The following NRG3 variants were observed in gnomAD, a reference collection of about 807,000 sequenced individuals.
The protein encoded by NRG3 is neuregulin 3.
In NRG3, 31 loss-of-function variants were observed where a neutral mutation model predicts 66.9. That is an observed-to-expected ratio of 0.46 (90% confidence interval 0.35 to 0.63). The LOEUF (loss-of-function observed/expected upper bound fraction) is 0.63, where lower values mean the gene tolerates loss of function less well. Among genes scored for constraint, NRG3 ranks in the 20% least tolerant of loss-of-function variants. The pLI is 0.00. For synonymous variants in NRG3, 393 were observed against 359.4 expected (o/e 1.09, Z -1.06); for missense variants, 910 against 878.9 (o/e 1.04, Z -0.45).
At chr10:82,901,917 A>G (rs1360319405) in intron 4 of NRG3, among the ~76,000 whole-genome samples, 1 of 152,164 alleles carries the variant, frequency 6.6e-6, no homozygotes, top group African/African-American at 2.4e-5. Context: ...TGTAATAAAG[A>G]TTACTCTTAA....
intron 3 of NRG3, among the ~76,000 whole-genome samples, chr10:82,760,405 G>T (rs749335492): frequency 1.3e-5 from 2 of 152,106 alleles, no homozygotes; most frequent in Non-Finnish European, 2.9e-5. Flanking sequence ...CCAGAATGCA[G>T]CCAAAGAGAA....
chr10:82,599,317 T>A (rs899830417), intron 2 of NRG3, among the ~76,000 whole-genome samples: 1 of 152,128 alleles, frequency 6.6e-6, no homozygotes, highest in Non-Finnish European at 1.5e-5. Flanking sequence ...GAACTTGTGG[T>A]GGAAAGGTGA....
intron 2 of NRG3, among the ~76,000 whole-genome samples, chr10:82,529,364 T>C (rs1406711754): frequency 4.6e-5 from 7 of 152,100 alleles, no homozygotes; most frequent in South Asian, 4.1e-4. Context: ...GGAGTTAGAG[T>C]AATACATGGG....
chr10:82,860,431 AC>A (rs1449977051), intron 3 of NRG3, among the ~76,000 whole-genome samples: 12 of 152,126 alleles, frequency 7.9e-5, no homozygotes, highest in Non-Finnish European at 1.5e-4. Flanking sequence ...GGGTAAGTAA[AC>A]TTTGAGTATA....
At chr10:82,615,129 T>A (rs946730754) in intron 2 of NRG3, among the ~76,000 whole-genome samples, 10 of 152,330 alleles carry the variant, frequency 6.6e-5, no homozygotes, top group African/African-American at 2.4e-4. Flanking sequence ...TTCAAATGCT[T>A]GTTAATTACC....
chr10:82,024,832 A>T (rs2062225753), intron 1 of NRG3, among the ~76,000 whole-genome samples: 1 of 152,126 alleles, frequency 6.6e-6, no homozygotes, highest in Non-Finnish European at 1.5e-5. Context: ...TCATACTTGT[A>T]GCCCTCCCAG....
intron 1 of NRG3, among the ~76,000 whole-genome samples, chr10:82,038,483 A>G (rs993330876): frequency 6.6e-6 from 1 of 152,124 alleles, no homozygotes; most frequent in African/African-American, 2.4e-5. Context: ...GAAAAGGGGC[A>G]ATGCTCATAA....
At chr10:82,375,105 G>T (rs1253459815) in intron 2 of NRG3, among the ~76,000 whole-genome samples, 2 of 152,208 alleles carry the variant, frequency 1.3e-5, no homozygotes, top group Non-Finnish European at 2.9e-5. Context: ...CCAAACAGTA[G>T]AACTTTTAAG....
intron 4 of NRG3, among the ~76,000 whole-genome samples, chr10:82,878,385 G>C (rs1410568105): frequency 1.3e-5 from 2 of 152,222 alleles, no homozygotes; most frequent in Non-Finnish European, 2.9e-5. Flanking sequence ...CAGTAGCTGT[G>C]TGCAGAGTTT....
intron 1 of NRG3, among the ~76,000 whole-genome samples, chr10:81,923,366 C>T (rs1030372295): frequency 2.0e-5 from 3 of 152,152 alleles, no homozygotes; most frequent in African/African-American, 2.4e-5. Context: ...CCACCGCGCC[C>T]GGCTAATTTT....
At chr10:82,895,982 T>C (rs1450190282) in intron 4 of NRG3, among the ~76,000 whole-genome samples, 8 of 152,158 alleles carry the variant, frequency 5.3e-5, no homozygotes, top group Non-Finnish European at 1.0e-4. Context: ...CTCAATGCAG[T>C]GGCTGAGACA....
At chr10:82,937,775 G>T (rs1459301318) in intron 4 of NRG3, among the ~76,000 whole-genome samples, 1 of 152,174 alleles carries the variant, frequency 6.6e-6, no homozygotes, top group Non-Finnish European at 1.5e-5. Context: ...TGGTACAGGA[G>T]TAGGTTACAG....
intron 1 of NRG3, among the ~76,000 whole-genome samples, chr10:82,220,080 A>G (rs770292728): frequency 6.6e-6 from 1 of 152,034 alleles, no homozygotes; most frequent in Non-Finnish European, 1.5e-5. Flanking sequence ...ACAAAACAAC[A>G]AATAATGCAA....
At chr10:81,967,336 GT>G (rs981854462) in intron 1 of NRG3, among the ~76,000 whole-genome samples, 7 of 150,916 alleles carry the variant, frequency 4.6e-5, no homozygotes, top group South Asian at 2.1e-4. Flanking sequence ...TATTGTATAG[GT>G]TTTTTTTCTT....
At chr10:81,876,966 C>T (rs1238261328) in intron 1 of NRG3, among the ~76,000 whole-genome samples, 1 of 152,054 alleles carries the variant, frequency 6.6e-6, no homozygotes, top group Non-Finnish European at 1.5e-5. Context: ...GCTTTTGTTC[C>T]GTTCCCAAAG....
intron 2 of NRG3, among the ~76,000 whole-genome samples, chr10:82,578,860 A>T (rs1258611728): frequency 2.0e-5 from 3 of 151,946 alleles, no homozygotes; most frequent in African/African-American, 7.2e-5. Flanking sequence ...GGTCAATAAA[A>T]TAGTAACTCT....
chr10:82,313,849 G>A (rs2135021444), intron 1 of NRG3, among the ~76,000 whole-genome samples: 1 of 152,342 alleles, frequency 6.6e-6, no homozygotes, highest in African/African-American at 2.4e-5. Flanking sequence ...GCTAAGTCTT[G>A]TATGAGTAAG....
intron 1 of NRG3, among the ~76,000 whole-genome samples, chr10:82,019,385 A>T (rs2061948753): frequency 6.6e-6 from 1 of 151,998 alleles, no homozygotes; most frequent in Admixed American, 6.6e-5. Context: ...TGGGATTATG[A>T]TCTAAAATTC....
intron 1 of NRG3, among the ~76,000 whole-genome samples, chr10:82,206,973 A>G (rs530048695): frequency 3.3e-5 from 5 of 152,316 alleles, no homozygotes; most frequent in African/African-American, 1.2e-4. Flanking sequence ...GCCCTTGTCT[A>G]GTTGACTGCT....
Sources: allele counts gnomAD v4.1 joint callset (sites outside exome capture counted in the v4.1 genomes callset), GRCh38; gene constraint gnomAD v4.1.1; transcripts MANE v1.5; gene names NCBI Gene and HGNC (gene_info 2026-07-23, HGNC 2026-07-21).